Variants in FANCL observed in about 807,000 individuals in gnomAD.
FANCL encodes FA complementation group L, also known as E3 ubiquitin-protein ligase FANCL.
Under a neutral mutation model 59.4 loss-of-function variants are expected in FANCL, and 69 were observed. The ratio of observed to expected loss-of-function variants is 1.16; its 90% CI spans 0.96 to 1.42. FANCL has a LOEUF of 1.42. Among genes scored for constraint, FANCL ranks in the 40% most tolerant of loss-of-function variants. The pLI is 0.00. For synonymous variants in FANCL, 180 were observed against 147.1 expected (o/e 1.22, Z -1.62); for missense variants, 519 against 447.2 (o/e 1.16, Z -1.45).
chr2:58,165,647 A>G (rs1685847609), intron 8 of FANCL, 77 bp downstream of exon 8: 2 of 1,572,116 alleles, frequency 1.3e-6, no homozygotes, highest in Non-Finnish European at 1.7e-6. Flanking sequence ...TCTGAGTCCA[A>G]CTGTCATTGT....
chr2:58,207,972 T>C (rs1277278085), intron 5 of FANCL, among the ~76,000 whole-genome samples: 1 of 152,194 alleles, frequency 6.6e-6, no homozygotes, highest in Non-Finnish European at 1.5e-5. Context: ...GGCAGAAGGT[T>C]TGCTTGAGCT....
intron 7 of FANCL, among the ~76,000 whole-genome samples, chr2:58,188,827 C>T (rs1408744371): frequency 6.6e-6 from 1 of 151,140 alleles, no homozygotes; most frequent in Non-Finnish European, 1.5e-5. Flanking sequence ...ATCTCTAGAT[C>T]AATTTGGAGA....
intron 5 of FANCL, among the ~76,000 whole-genome samples, chr2:58,208,703 A>G (rs2105182870): frequency 6.6e-6 from 1 of 152,316 alleles, no homozygotes. Context: ...TGCCACTCTC[A>G]AGTTTAAGCA....
At chr2:58,165,130 A>G (rs893578699) in intron 8 of FANCL, among the ~76,000 whole-genome samples, 4 of 152,162 alleles carry the variant, frequency 2.6e-5, no homozygotes, top group Non-Finnish European at 5.9e-5. Flanking sequence ...CTTGCTTATA[A>G]TGAAAATACA....
At chr2:58,236,319 T>C (rs538628695) in intron 1 of FANCL, among the ~76,000 whole-genome samples, 2 of 151,378 alleles carry the variant, frequency 1.3e-5, no homozygotes, top group African/African-American at 4.8e-5. Context: ...TGCAAGACAG[T>C]GAAGTAACAT....
chr2:58,217,168 A>T (rs796136269), intron 5 of FANCL, among the ~76,000 whole-genome samples: 506 of 31,724 alleles, frequency 0.016, 30 homozygotes, highest in African/African-American at 0.061. Flanking sequence ...TATATATTTT[A>T]TATATATATA....
intron 7 of FANCL, among the ~76,000 whole-genome samples, chr2:58,179,365 T>C (rs1301852290): frequency 1.3e-5 from 2 of 152,214 alleles, no homozygotes; most frequent in Admixed American, 1.3e-4. Context: ...CAAAACAGCA[T>C]GGTACTGGTA....
intron 12 of FANCL, among the ~76,000 whole-genome samples, chr2:58,161,130 T>A (rs1267755879): frequency 6.6e-6 from 1 of 152,018 alleles, no homozygotes; most frequent in African/African-American, 2.4e-5. Context: ...AGATACTACA[T>A]AGTACTAATT....
At chr2:58,198,091 G>A (rs551865949) in intron 7 of FANCL, among the ~76,000 whole-genome samples, 46 of 152,008 alleles carry the variant, frequency 3.0e-4, no homozygotes, top group Admixed American at 7.9e-4. Flanking sequence ...GTGAGTGGGT[G>A]TGTTTGTGTG....
At chr2:58,214,991 G>A (rs1224971680) in intron 5 of FANCL, among the ~76,000 whole-genome samples, 1 of 152,152 alleles carries the variant, frequency 6.6e-6, no homozygotes, top group African/African-American at 2.4e-5. Flanking sequence ...CACTGAGGTA[G>A]GCTGCCTCAA....
chr2:58,217,926 A>G, intron 5 of FANCL, among the ~76,000 whole-genome samples: 1 of 152,152 alleles, frequency 6.6e-6, no homozygotes, highest in East Asian at 1.9e-4. Context: ...TAGAACACAT[A>G]CCAAAATTGA....
chr2:58,161,108 C>T (rs1685086508), intron 12 of FANCL, among the ~76,000 whole-genome samples: 1 of 151,940 alleles, frequency 6.6e-6, no homozygotes, highest in Admixed American at 6.6e-5. Flanking sequence ...TAAATGCAGC[C>T]TGAAAAGTAA....
At chr2:58,209,225 G>A (rs1415430076) in intron 5 of FANCL, among the ~76,000 whole-genome samples, 2 of 152,102 alleles carry the variant, frequency 1.3e-5, no homozygotes, top group Non-Finnish European at 2.9e-5. Flanking sequence ...CTATGTATGT[G>A]TCAGTGTACC....
chr2:58,187,808 T>C (rs1424770873), intron 7 of FANCL, among the ~76,000 whole-genome samples: 1 of 152,198 alleles, frequency 6.6e-6, no homozygotes, highest in Admixed American at 6.5e-5. Context: ...AGTTTTATTA[T>C]TGAACTTTGA....
At chr2:58,182,652 A>G (rs548796160) in intron 7 of FANCL, among the ~76,000 whole-genome samples, 9 of 151,986 alleles carry the variant, frequency 5.9e-5, no homozygotes, top group Admixed American at 3.3e-4. Context: ...TCAACAAAGT[A>G]TATGAGTCAA....
In FANCL at chr2:58,198,646, G is replaced by C. The variant is rs770063294; in HGVS notation, c.488C>G (p.Pro163Arg). The C allele has an allele frequency of 5.0e-6, 8 of 1,613,478 alleles. No homozygotes were observed. In the Admixed American group the frequency reaches 1.3e-4, roughly 27 times the overall value. Residue 163 changes from proline (P) to arginine (R), a missense_variant, in exon 7 of 14, where the codon CCA (proline) becomes CGA (arginine). Transcript: ENST00000233741. ...AACAGGAAAATCCACAAAATAATCT[G>C]GTGATTCTGCAGGATACTATTAAAA... The part of the protein sequence containing the change: ...KLKAKYPAES[P>R]DYFVDFPVPF...
intron 7 of FANCL, among the ~76,000 whole-genome samples, chr2:58,184,847 G>T (rs1016905699): frequency 2.0e-5 from 3 of 152,096 alleles, no homozygotes; most frequent in Non-Finnish European, 4.4e-5. Context: ...AACATCGTGA[G>T]AAAGTTAGGA....
At chr2:58,241,096 C>T (rs1694497354) in intron 1 of FANCL, 122 bp downstream of exon 1, 1 of 1,022,552 alleles carries the variant, frequency 9.8e-7, no homozygotes, top group African/African-American at 1.6e-5. Context: ...AGAGCCGTTA[C>T]GCGCCGCCCC....
chr2:58,182,534 T>G (rs141582536), intron 7 of FANCL, among the ~76,000 whole-genome samples: 1 of 151,828 alleles, frequency 6.6e-6, no homozygotes, highest in African/African-American at 2.4e-5. Flanking sequence ...TTTGGAATTT[T>G]TGAGGGGTAT....
Sources: allele counts gnomAD v4.1 joint callset (sites outside exome capture counted in the v4.1 genomes callset), GRCh38; gene constraint gnomAD v4.1.1; transcripts MANE v1.5; gene names NCBI Gene and HGNC (gene_info 2026-07-23, HGNC 2026-07-21).